MCUR1: variants seen among roughly 807,000 people sequenced by gnomAD.
MCUR1 encodes MCU regulator 1.
Under a neutral mutation model 42.0 loss-of-function variants are expected in MCUR1, and 37 were observed. The ratio of observed to expected loss-of-function variants is 0.88; its 90% CI spans 0.68 to 1.16. The LOEUF is 1.16. Among genes scored for constraint, MCUR1 ranks in the 50% most tolerant of loss-of-function variants. The pLI, the probability that MCUR1 is intolerant of heterozygous loss-of-function variation, is 0.00. For missense variants in MCUR1, 469 were observed against 468.4 expected (o/e 1.00, Z -0.01); for synonymous variants, 229 against 196.2 (o/e 1.17, Z -1.40).
chr6:13,812,539 C>A (rs1760260319), intron 1 of MCUR1, among the ~76,000 whole-genome samples: 1 of 152,174 alleles, frequency 6.6e-6, no homozygotes, highest in African/African-American at 2.4e-5. Context: ...AAAAGCGCAA[C>A]AAAAGGCAAA....
In MCUR1 at chr6:13,788,316, G is replaced by C. The variant is rs1320069876; in HGVS notation, c.*2493C>G. 1 of 152,184 alleles carries C rather than the reference G, an allele frequency of 6.6e-6. No individual in the cohort carries two copies. Among genetic ancestry groups the C allele is most frequent in the Non-Finnish European group, 1.5e-5 (1 of 68,052 alleles). The allele number at this position is 152,184 out of a possible 1,614,324, so 9.4% of individuals were successfully genotyped here. ...GACCAAATAAAGTGAACACAGTCCTGAGCCCTCCTCTCTCCAGATATGCAT... is the reference window on the plus strand; with the variant it reads ...GACCAAATAAAGTGAACACAGTCCTCAGCCCTCCTCTCTCCAGATATGCAT... On this transcript the variant is annotated 3_prime_UTR_variant, in exon 9 of 9. Coordinates refer to ENST00000379170, the MANE Select transcript of MCUR1 (RefSeq NM_001031713.4).
chr6:13,794,560 A>G (rs1205697878), intron 6 of MCUR1, among the ~76,000 whole-genome samples: 1 of 152,138 alleles, frequency 6.6e-6, no homozygotes, highest in Non-Finnish European at 1.5e-5. Flanking sequence ...AAGGATTATT[A>G]TTCTATGACA....
intron 8 of MCUR1, among the ~76,000 whole-genome samples, chr6:13,791,634 TATCAA>T (rs1281296095): frequency 2.0e-5 from 3 of 152,246 alleles, no homozygotes; most frequent in African/African-American, 7.2e-5. Flanking sequence ...TATAGTATCT[TATCAA>T]ATTTCCAATT....
chr6:13,799,262 G>A (rs112740903), intron 5 of MCUR1, among the ~76,000 whole-genome samples: 43 of 150,646 alleles, frequency 2.9e-4, no homozygotes, highest in Non-Finnish European at 5.6e-4. Context: ...CTCTGCTCAC[G>A]CAACTTCTGC....
chr6:13,788,654 TTAA>T lies in MCUR1; in HGVS notation c.*2152_*2154del, dbSNP rs1253789741. The T allele has an allele frequency of 6.6e-6, 1 of 152,186 alleles. No homozygotes were observed. Among genetic ancestry groups the T allele is most frequent in the East Asian group, 1.9e-4 (1 of 5,200 alleles). The allele number at this position is 152,186 out of a possible 1,614,324, so 9.4% of individuals were successfully genotyped here. A position where few individuals can be genotyped will look rare whatever the true frequency, so the allele number is the denominator to read the frequency against. Reference sequence around the variant, plus strand: ...CCCTTTATGCCACTCACCTAGGCCTTTAATAATGAGGGCAATTGCTAAGTGTGC... The same window carrying T: ...CCCTTTATGCCACTCACCTAGGCCTTTAATGAGGGCAATTGCTAAGTGTGC... On this transcript the variant is annotated 3_prime_UTR_variant, in exon 9 of 9. Transcript: ENST00000379170.
intron 5 of MCUR1, 142 bp downstream of exon 5, chr6:13,800,199 C>G (rs1433279672): frequency 2.4e-5 from 14 of 592,138 alleles, no homozygotes; most frequent in Non-Finnish European, 4.1e-5. Context: ...TTAGCTAAAT[C>G]TTCCAATGTG....
intron 1 of MCUR1, 33 bp downstream of exon 1, chr6:13,813,982 C>A: frequency 8.1e-7 from 1 of 1,228,866 alleles, no homozygotes; most frequent in Non-Finnish European, 1.0e-6. Context: ...CCCCGCGAGA[C>A]GAGCCCCCTC....
rs1348037166 is a variant in MCUR1, at chr6:13,788,226, G to A, written c.*2583C>T. 2 of 152,146 alleles carry A rather than the reference G, an allele frequency of 1.3e-5. No individual in the cohort carries two copies. Among genetic ancestry groups the A allele is most frequent in the African/African-American group, 2.4e-5 (1 of 41,426 alleles). The allele number at this position is 152,146 out of a possible 1,614,324, so 9.4% of individuals were successfully genotyped here. On this transcript the variant is annotated 3_prime_UTR_variant, in exon 9 of 9. Transcript: ENST00000379170. ...ACGTCTAGTCGGCTCACGGGTGCTT[G>A]AGCCAGAAGTGGGAAGGGTACACTT...
chr6:13,790,673 G>A lies in MCUR1; in HGVS notation c.*136C>T, dbSNP rs906091348. 5 of 548,858 alleles carry A rather than the reference G, an allele frequency of 9.1e-6. No individual in the cohort carries two copies. The highest frequency in any genetic ancestry group is 4.0e-5 in the African/African-American group (2 of 50,142). The allele number at this position is 548,858 out of a possible 1,614,324, so 34.0% of individuals were successfully genotyped here. On this transcript the variant is annotated 3_prime_UTR_variant, in exon 9 of 9. Coordinates refer to ENST00000379170, the MANE Select transcript of MCUR1 (RefSeq NM_001031713.4). ...TCACCGTGTTGGCCAGGCTGGTCTC[G>A]AACTCCTGACCTCAGGTAATCCACC... is the stretch of plus-strand genomic sequence containing the variant.
intron 6 of MCUR1, among the ~76,000 whole-genome samples, chr6:13,795,313 A>G (rs1584983501): frequency 6.6e-6 from 1 of 152,248 alleles, no homozygotes; most frequent in East Asian, 1.9e-4. Context: ...GTGCACCACT[A>G]AACCTCAGTC....
chr6:13,798,072 C>T (rs1002845568), intron 6 of MCUR1, among the ~76,000 whole-genome samples: 3 of 152,010 alleles, frequency 2.0e-5, no homozygotes, highest in East Asian at 3.9e-4. Context: ...CAACTTCTCA[C>T]TGCACTTAAA....
rs1759983182 is a variant in MCUR1 at position 13,801,306 on chromosome 6, G to A, written c.723C>T (p.Ala241=). Residue 241 remains alanine, a synonymous_variant, in exon 4 of 9, where the codon GCC becomes GCT. Transcript: ENST00000379170. The part of the protein sequence containing the change: ...MIILEKSEFS[A]LRAENEKIKL... ...GTTTTACCTCATTTTCTGCTCTGAG[G>A]GCTGAAAATTCACTCTTCTCCAAAA... The A allele has an allele frequency of 1.2e-6, 2 of 1,611,002 alleles. No individual in the cohort carries two copies. The highest frequency in any genetic ancestry group is 2.7e-5 in the African/African-American group (2 of 74,824).
chr6:13,807,448 A>G (rs983369719), intron 1 of MCUR1, among the ~76,000 whole-genome samples: 4 of 152,166 alleles, frequency 2.6e-5, no homozygotes, highest in Non-Finnish European at 5.9e-5. Context: ...TCTTTCACTT[A>G]GCATGTTTTC....
chr6:13,804,207 CAG>C, intron 2 of MCUR1: 1 of 201,256 alleles, frequency 5.0e-6, no homozygotes. Flanking sequence ...CCTGTAATCC[CAG>C]CTACTCAGGA....
chr6:13,805,646 T>C (rs1760097989), intron 2 of MCUR1, among the ~76,000 whole-genome samples: 1 of 152,238 alleles, frequency 6.6e-6, no homozygotes, highest in African/African-American at 2.4e-5. Context: ...CACTTTGTCT[T>C]AGGCATGTAA....
chr6:13,814,430 C>T lies in MCUR1; in HGVS notation c.-1G>A, dbSNP rs564927790. The T allele has an allele frequency of 1.2e-5, 19 of 1,526,888 alleles. No individual in the cohort carries two copies. The African/African-American group carries it at 1.7e-4, about 14-fold the overall frequency. 94.6% of individuals were successfully genotyped at this position (1,526,888 alleles called of 1,614,324 possible). ...GGCCGCCGACCGAGCCGCAGTCCAT[C>T]CCCGAGCAGTTCACTGGCCCGGGCG... On this transcript the variant is annotated 5_prime_UTR_variant, in exon 1 of 9. Coordinates refer to ENST00000379170, the MANE Select transcript of MCUR1 (RefSeq NM_001031713.4).
chr6:13,790,695 C>T lies in MCUR1; in HGVS notation c.*114G>A, dbSNP rs573154695. Reference sequence around the variant, plus strand: ...CTCGAACTCCTGACCTCAGGTAATCCACCTGCCTCAGCCTCCCAAAGTGCT... The same window carrying T: ...CTCGAACTCCTGACCTCAGGTAATCTACCTGCCTCAGCCTCCCAAAGTGCT... On this transcript the variant is annotated 3_prime_UTR_variant, in exon 9 of 9. Transcript: ENST00000379170. 2.1e-4 allele frequency: 146 copies of T among 680,216 alleles called. No individual in the cohort carries two copies. The South Asian group carries it at 2.3e-3, about 11-fold the overall frequency. The allele number at this position is 680,216 out of a possible 1,614,324, so 42.1% of individuals were successfully genotyped here. A position where few individuals can be genotyped will look rare whatever the true frequency, so the allele number is the denominator to read the frequency against.
intron 4 of MCUR1, 29 bp downstream of exon 4, chr6:13,801,259 C>G: frequency 7.0e-7 from 1 of 1,425,542 alleles, no homozygotes; most frequent in African/African-American, 1.4e-5. Context: ...ATATAATCAA[C>G]TTTCTAAGTG....
At chr6:13,813,236 TA>T (rs2113485186) in intron 1 of MCUR1, among the ~76,000 whole-genome samples, 1 of 152,306 alleles carries the variant, frequency 6.6e-6, no homozygotes, top group African/African-American at 2.4e-5. Context: ...CATTTCTCAG[TA>T]GGCGACTGTC....
Sources: allele counts gnomAD v4.1 joint callset (sites outside exome capture counted in the v4.1 genomes callset), GRCh38; gene constraint gnomAD v4.1.1; transcripts MANE v1.5; gene names NCBI Gene and HGNC (gene_info 2026-07-23, HGNC 2026-07-21).